Variants in MLLT10 observed in about 807,000 individuals in gnomAD.
The protein encoded by MLLT10 is protein AF-10.
A neutral mutation model predicts 129.1 loss-of-function variants in MLLT10; 30 were observed. That is an observed-to-expected ratio of 0.23 (90% CI 0.17 to 0.32). The LOEUF is 0.32. Among genes scored for constraint, MLLT10 ranks in the 10% least tolerant of loss-of-function variants. The pLI is 1.00. For synonymous variants in MLLT10, 490 were observed against 446.4 expected, an observed-to-expected ratio of 1.10 and a Z score of -1.23; for missense variants, 1,119 against 1,268.3, an observed-to-expected ratio of 0.88 and a Z score of 1.79.
intron 8 of MLLT10, among the ~76,000 whole-genome samples, chr10:21,648,360 A>G (rs550285984): frequency 2.0e-5 from 3 of 152,236 alleles, no homozygotes; most frequent in South Asian, 2.1e-4. Context: ...TTTGCTTTGT[A>G]TGATTTTTTT....
intron 8 of MLLT10, among the ~76,000 whole-genome samples, chr10:21,632,419 C>T (rs1451739128): frequency 6.6e-6 from 1 of 152,046 alleles, no homozygotes; most frequent in Non-Finnish European, 1.5e-5. Context: ...TATTGTTTTC[C>T]ATTAATAATA....
chr10:21,613,936 T>C (rs990931019), intron 6 of MLLT10, among the ~76,000 whole-genome samples: 9 of 150,636 alleles, frequency 6.0e-5, no homozygotes, highest in Admixed American at 2.0e-4. Flanking sequence ...ACAAAACGAA[T>C]ATTAGCTGGG....
intron 13 of MLLT10, among the ~76,000 whole-genome samples, chr10:21,710,006 T>G (rs1564693819): frequency 6.6e-6 from 1 of 152,196 alleles, no homozygotes; most frequent in Non-Finnish European, 1.5e-5. Context: ...CCTCCCAAAG[T>G]GCTGGGATTA....
At chr10:21,731,244 C>T (rs1266541905) in intron 17 of MLLT10, among the ~76,000 whole-genome samples, 190 bp downstream of exon 17, 1 of 152,190 alleles carries the variant, frequency 6.6e-6, no homozygotes, top group African/African-American at 2.4e-5. Flanking sequence ...ACTGCTTGGA[C>T]TTGAATCCTG....
intron 3 of MLLT10, among the ~76,000 whole-genome samples, chr10:21,565,284 A>C (rs2039407003): frequency 6.6e-6 from 1 of 151,930 alleles, no homozygotes; most frequent in Non-Finnish European, 1.5e-5. Flanking sequence ...TTGTACACAA[A>C]ATAGTGTTAG....
At chr10:21,713,574 G>A (rs2056298379) in intron 13 of MLLT10, among the ~76,000 whole-genome samples, 198 bp from the exon 14 acceptor site, 1 of 152,180 alleles carries the variant, frequency 6.6e-6, no homozygotes, top group Admixed American at 6.5e-5. Flanking sequence ...TAAAAATGGT[G>A]TAGGTTCTTT....
intron 4 of MLLT10, among the ~76,000 whole-genome samples, chr10:21,589,774 G>C (rs2042323175): frequency 6.6e-6 from 1 of 152,098 alleles, no homozygotes; most frequent in South Asian, 2.1e-4. Flanking sequence ...GTGTAAATTT[G>C]GTGTTATTTT....
At chr10:21,657,529 T>C (rs1489392274) in intron 9 of MLLT10, among the ~76,000 whole-genome samples, 1 of 152,076 alleles carries the variant, frequency 6.6e-6, no homozygotes, top group African/African-American at 2.4e-5. Flanking sequence ...AATTGACAAA[T>C]TGAACCTCAC....
chr10:21,559,370 G>A (rs544708728), intron 3 of MLLT10, among the ~76,000 whole-genome samples: 90 of 152,296 alleles, frequency 5.9e-4, no homozygotes, highest in Non-Finnish European at 1.1e-3. Context: ...GAGCCACTGC[G>A]CTTGGCAAGA....
At chr10:21,679,748 G>A (rs2052549813) in intron 11 of MLLT10, among the ~76,000 whole-genome samples, 1 of 152,076 alleles carries the variant, frequency 6.6e-6, no homozygotes, top group Non-Finnish European at 1.5e-5. Context: ...CAGATTTTTG[G>A]GAGATTTTGG....
chr10:21,704,357 CTATATATATATATA>C (rs3032384), intron 13 of MLLT10, among the ~76,000 whole-genome samples: 5 of 111,878 alleles, frequency 4.5e-5, no homozygotes, highest in African/African-American at 1.5e-4. Flanking sequence ...CTCTCTCTCT[CTATATATATATATA>C]TATATATATA....
At chr10:21,616,590 A>T (rs868719369) in intron 7 of MLLT10, among the ~76,000 whole-genome samples, 11 of 151,970 alleles carry the variant, frequency 7.2e-5, no homozygotes, top group Middle Eastern at 3.4e-3. Flanking sequence ...TAATTTTTTA[A>T]TTTTTTTCTT....
At chr10:21,686,290 A>G (rs1221436525) in intron 13 of MLLT10, among the ~76,000 whole-genome samples, 24 of 152,176 alleles carry the variant, frequency 1.6e-4, no homozygotes. Context: ...TTAAATGACT[A>G]CTTTCCCTTT....
At chr10:21,561,869 A>G (rs1304421194) in intron 3 of MLLT10, among the ~76,000 whole-genome samples, 1 of 150,924 alleles carries the variant, frequency 6.6e-6, no homozygotes, top group Non-Finnish European at 1.5e-5. Flanking sequence ...GTAGTGGCCC[A>G]ATCTTGGCTC....
chr10:21,697,399 G>A (rs1413621956), intron 13 of MLLT10, among the ~76,000 whole-genome samples: 1 of 152,174 alleles, frequency 6.6e-6, no homozygotes, highest in Non-Finnish European at 1.5e-5. Flanking sequence ...CTGGGAGGTG[G>A]TGGTTGCAGT....
At chr10:21,669,677 G>C (rs1332051556) in intron 9 of MLLT10, among the ~76,000 whole-genome samples, 1 of 152,126 alleles carries the variant, frequency 6.6e-6, no homozygotes, top group East Asian at 1.9e-4. Context: ...GGTGATTAAT[G>C]TGCATCTGGT....
At chr10:21,605,659 T>C (rs2043988786) in intron 5 of MLLT10, among the ~76,000 whole-genome samples, 1 of 152,256 alleles carries the variant, frequency 6.6e-6, no homozygotes, top group African/African-American at 2.4e-5. Flanking sequence ...GGTGTCAAAC[T>C]CCTGGGCTCA....
chr10:21,690,568 G>T (rs2053754082), intron 13 of MLLT10, among the ~76,000 whole-genome samples: 1 of 152,018 alleles, frequency 6.6e-6, no homozygotes, highest in Admixed American at 6.6e-5. Context: ...CAACGGTTAT[G>T]CATCTGAGCG....
In MLLT10 at chr10:21,734,011, G is replaced by A; in HGVS notation, c.2740G>A (p.Gly914Arg). 6.2e-7 allele frequency: 1 copy of A among 1,614,194 alleles called. No individual in the cohort carries two copies. Among genetic ancestry groups the A allele is most frequent in the Non-Finnish European group, 8.5e-7 (1 of 1,180,036 alleles). Reference sequence around the variant, plus strand: ...CCAACTGGCAATTAATGGCATTGTAGGAGCTTTAAATGGGGTTATGCAGAC... The same window carrying A: ...CCAACTGGCAATTAATGGCATTGTAAGAGCTTTAAATGGGGTTATGCAGAC... ...GNQLAINGIV[G>R]ALNGVMQTPV... Residue 914 changes from glycine (G) to arginine (R), a missense_variant, in exon 20 of 23, where the codon GGA (glycine) becomes AGA (arginine). Physicochemically the swap from Gly to Arg is moderately radical, Grantham distance 125 (BLOSUM62 -2). Coordinates refer to ENST00000307729, the MANE Select transcript of MLLT10 (RefSeq NM_001195626.3).
Sources: gnomAD v4.1 joint callset for allele counts (sites outside exome capture counted in the v4.1 genomes callset) on GRCh38, gnomAD v4.1.1 for gene constraint, MANE v1.5 for transcripts, NCBI Gene and HGNC (gene_info 2026-07-23, HGNC 2026-07-21) for gene names.